The following EPHA3 variants were observed in gnomAD, a reference collection of about 807,000 sequenced individuals.
EPHA3 encodes the protein EPH receptor A3, also known as ephrin type-A receptor 3.
In EPHA3, 42 loss-of-function variants were observed where a neutral mutation model predicts 107.1. That is an observed-to-expected ratio of 0.39 (90% CI 0.31 to 0.51). The LOEUF (loss-of-function observed/expected upper bound fraction) is 0.51, where lower values mean the gene tolerates loss of function less well. Ranked by LOEUF, EPHA3 falls within the 20% of genes least tolerant of loss-of-function variation. The pLI is 0.78. For synonymous variants in EPHA3, 461 were observed against 424.8 expected (o/e 1.09, Z -1.05); for missense variants, 1,183 against 1,211.2 (o/e 0.98, Z 0.35).
At chr3:89,131,605 A>G (rs1193444560) in intron 2 of EPHA3, among the ~76,000 whole-genome samples, 1 of 152,192 alleles carries the variant, frequency 6.6e-6, no homozygotes, top group East Asian at 1.9e-4. Context: ...TAACTAGTAC[A>G]AAGAAATCAT....
In EPHA3 at chr3:89,372,368, C is replaced by T. The variant is rs147594375; in HGVS notation, c.1307-23469C>T. ...TACTTCTAGCAGCAACCCCCTCACC[C>T]TCATACTTAGGTTCAAGCCTTTATA... On this transcript the variant is annotated intron_variant, in intron 5 of 16. Transcript: ENST00000336596. Among the ~76,000 whole-genome samples the T allele has an allele frequency of 5.2e-4, 79 of 151,786 alleles. 1 individual carries two copies. The East Asian group carries it at 0.014, about 27-fold the overall frequency.
In EPHA3 at chr3:89,304,191, A is replaced by G. The variant is rs142998058; in HGVS notation, c.815-36725A>G. Among the ~76,000 whole-genome samples the G allele has an allele frequency of 2.0e-5, 3 of 152,004 alleles. No individual in the cohort carries two copies. In the East Asian group the frequency reaches 5.8e-4, roughly 29 times the overall value. ...TCCAACTTTTATCACCAGCACTTTC[A>G]CCAGACAGCATTTCAGCAACAAACT... On this transcript the variant is annotated intron_variant, in intron 3 of 16. Coordinates refer to ENST00000336596, the MANE Select transcript of EPHA3 (RefSeq NM_005233.6).
At chr3:89,460,826 T>C (rs1457190942) in intron 15 of EPHA3, among the ~76,000 whole-genome samples, 2 of 139,006 alleles carry the variant, frequency 1.4e-5, no homozygotes, top group African/African-American at 2.7e-5. Context: ...TGTCTCTCTT[T>C]TTTTTTTTTT....
At chr3:89,391,278 G>A (rs982847293) in intron 5 of EPHA3, among the ~76,000 whole-genome samples, 3 of 152,204 alleles carry the variant, frequency 2.0e-5, no homozygotes, top group African/African-American at 7.2e-5. Flanking sequence ...TTTCAGTACC[G>A]CTGTGTAAGT....
At chr3:89,187,336 ATAT>A (rs1705590762) in intron 2 of EPHA3, among the ~76,000 whole-genome samples, 1 of 148,506 alleles carries the variant, frequency 6.7e-6, no homozygotes, top group African/African-American at 2.4e-5. Flanking sequence ...AAATTAATAA[ATAT>A]TAATAAATAA....
chr3:89,394,690 A>G (rs141448774), intron 5 of EPHA3, among the ~76,000 whole-genome samples: 1,720 of 152,348 alleles, frequency 0.011, 38 homozygotes, highest in African/African-American at 0.039. Context: ...CAACAAATAC[A>G]GAACTTCTGC....
At chr3:89,308,219 C>T (rs775264885) in intron 3 of EPHA3, among the ~76,000 whole-genome samples, 2 of 151,690 alleles carry the variant, frequency 1.3e-5, no homozygotes, top group Non-Finnish European at 2.9e-5. Flanking sequence ...TAGAAGAGTA[C>T]GAAAAAATCC....
Position 89,134,180 on chromosome 3 carries a change from T to G in EPHA3, c.153+6907T>G, listed in dbSNP as rs568851345. ...GCAGTTGTAAGAGAATCAGCTTCTA[T>G]GATCACTCTCAGCTGGTCCTTGTCA... On this transcript the variant is annotated intron_variant, in intron 2 of 16. Coordinates refer to ENST00000336596, the MANE Select transcript of EPHA3 (RefSeq NM_005233.6). Among the ~76,000 whole-genome samples, 17 of 152,016 alleles carry G rather than the reference T, an allele frequency of 1.1e-4. No individual in the cohort carries two copies. The South Asian group carries it at 1.5e-3, about 13-fold the overall frequency.
At position 89,423,119 on chromosome 3, in the gene EPHA3, C is replaced by T. The variant is rs114003687; in HGVS notation, c.2074+3729C>T. The stretch of plus-strand genomic sequence containing the variant: ...CTTCCATTGGCCACTTTTCACCTAG[C>T]GAAATAGAAGGAATTATATTGGATG... On this transcript the variant is annotated intron_variant, in intron 11 of 16. Coordinates refer to ENST00000336596, the MANE Select transcript of EPHA3 (RefSeq NM_005233.6). Among the ~76,000 whole-genome samples the T allele has an allele frequency of 4.4e-3, 672 of 151,412 alleles. 4 individuals carry two copies. Among genetic ancestry groups the T allele is most frequent in the African/African-American group, 0.012 (492 of 41,420 alleles).
At chr3:89,182,288 A>G (rs1271243970) in intron 2 of EPHA3, among the ~76,000 whole-genome samples, 1 of 151,946 alleles carries the variant, frequency 6.6e-6, no homozygotes, top group Non-Finnish European at 1.5e-5. Context: ...TGACATCTGT[A>G]AAAGATCAGT....
intron 3 of EPHA3, among the ~76,000 whole-genome samples, chr3:89,217,236 T>C (rs1704241209): frequency 6.6e-6 from 1 of 152,142 alleles, no homozygotes; most frequent in Non-Finnish European, 1.5e-5. Context: ...AAAGTGCTCT[T>C]AAAGAAAGAG....
rs1388604813 is a variant in EPHA3, at chr3:89,108,474, A to G, written c.88+638A>G. ...TATTTGCAAGAATTACAATAAGCTTAGGTTGGATTCTCTTTGTTTAAAGGC... is the reference window on the plus strand; with the variant it reads ...TATTTGCAAGAATTACAATAAGCTTGGGTTGGATTCTCTTTGTTTAAAGGC... On this transcript the variant is annotated intron_variant, in intron 1 of 16. Coordinates refer to ENST00000336596, the MANE Select transcript of EPHA3 (RefSeq NM_005233.6). 3.3e-5 allele frequency among the ~76,000 whole-genome samples: 5 copies of G among 152,214 alleles called. No individual in the cohort carries two copies. The East Asian group carries it at 7.7e-4, about 23-fold the overall frequency.
chr3:89,478,951 T>C (rs1465607697), intron 16 of EPHA3, among the ~76,000 whole-genome samples: 1 of 152,220 alleles, frequency 6.6e-6, no homozygotes, highest in Non-Finnish European at 1.5e-5. Context: ...TCGTCTCTTC[T>C]AGTTTCTGGT....
At chr3:89,202,532 A>T (rs200677277) in intron 2 of EPHA3, among the ~76,000 whole-genome samples, 1,660 of 24,776 alleles carry the variant, frequency 0.067, 15 homozygotes, top group East Asian at 0.32. Context: ...AAAAAAAAAA[A>T]AAATATATAT....
At chr3:89,399,624 C>T in intron 7 of EPHA3, 144 bp downstream of exon 7, 1 of 1,390,760 alleles carries the variant, frequency 7.2e-7, no homozygotes, top group South Asian at 1.8e-5. Context: ...TTTGCAGAGC[C>T]CTGTGTCTGT....
chr3:89,241,903 G>A (rs534060420), intron 3 of EPHA3, among the ~76,000 whole-genome samples: 9 of 152,002 alleles, frequency 5.9e-5, no homozygotes, highest in South Asian at 2.1e-4. Context: ...TCTCAGCCCC[G>A]AGATTAAGGG....
chr3:89,253,681 C>T (rs181579799), intron 3 of EPHA3, among the ~76,000 whole-genome samples: 84 of 152,140 alleles, frequency 5.5e-4, no homozygotes, highest in Non-Finnish European at 1.1e-3. Context: ...CTGTCATCTT[C>T]GTTTCATTTT....
At chr3:89,107,874 C>G (rs1173217472) in intron 1 of EPHA3, 38 bp downstream of exon 1, 1 of 1,590,304 alleles carries the variant, frequency 6.3e-7, no homozygotes, top group Non-Finnish European at 8.6e-7. Context: ...CTCTGCCCCG[C>G]GGGGCTCACG....
chr3:89,405,182 G>A (rs1311987705), intron 7 of EPHA3, among the ~76,000 whole-genome samples: 1 of 152,068 alleles, frequency 6.6e-6, no homozygotes. Context: ...GAGTTGAGGA[G>A]GGGAAGCCCC....
Sources: allele counts gnomAD v4.1 joint callset (sites outside exome capture counted in the v4.1 genomes callset), GRCh38; gene constraint gnomAD v4.1.1; transcripts MANE v1.5; gene names NCBI Gene and HGNC (gene_info 2026-07-23, HGNC 2026-07-21).